Variants in CCDC12 observed in about 807,000 individuals in gnomAD.
CCDC12 encodes the protein coiled-coil domain-containing protein 12.
In CCDC12, 28 loss-of-function variants were observed where a neutral mutation model predicts 25.7. The ratio of observed to expected loss-of-function variants is 1.09; its 90% CI spans 0.81 to 1.50. CCDC12 has a LOEUF of 1.50. Among genes scored for constraint, CCDC12 ranks in the 40% most tolerant of loss-of-function variants. The pLI is 0.00. For missense variants in CCDC12, 198 were observed against 210.0 expected, an observed-to-expected ratio of 0.94 and a Z score of 0.35; for synonymous variants, 75 against 87.7, an observed-to-expected ratio of 0.86 and a Z score of 0.81.
chr3:46,927,239 C>T (rs74934306), intron 2 of CCDC12, among the ~76,000 whole-genome samples: 1,619 of 152,240 alleles, frequency 0.011, 70 homozygotes, highest in Admixed American at 0.076. Context: ...ACACCTGCCT[C>T]GGGCCTGGAG....
chr3:46,964,020 T>C (rs1311731937), intron 1 of CCDC12, among the ~76,000 whole-genome samples: 1 of 151,962 alleles, frequency 6.6e-6, no homozygotes, highest in Non-Finnish European at 1.5e-5. Flanking sequence ...GGAGCGTCTC[T>C]GCCCGGCCAC....
intron 2 of CCDC12, among the ~76,000 whole-genome samples, chr3:46,937,922 G>A (rs562919387): frequency 6.6e-6 from 1 of 152,262 alleles, no homozygotes; most frequent in Admixed American, 6.5e-5. Flanking sequence ...TACAAATACA[G>A]GCACAACTCC....
At chr3:46,949,099 G>A (rs2034017353) in intron 1 of CCDC12, among the ~76,000 whole-genome samples, 2 of 152,236 alleles carry the variant, frequency 1.3e-5, no homozygotes, top group South Asian at 4.1e-4. Flanking sequence ...GTGAATCTTA[G>A]TGGATGAGAA....
intron 1 of CCDC12, among the ~76,000 whole-genome samples, chr3:46,959,698 T>C (rs1357212142): frequency 2.0e-5 from 3 of 152,134 alleles, no homozygotes; most frequent in Admixed American, 6.5e-5. Context: ...CTAGCCAGTG[T>C]GGGGGGACAG....
intron 2 of CCDC12, among the ~76,000 whole-genome samples, chr3:46,937,205 A>G (rs2033481667): frequency 6.6e-6 from 1 of 152,102 alleles, no homozygotes; most frequent in Non-Finnish European, 1.5e-5. Context: ...ATGTCTGTTC[A>G]TGCCTCCCCA....
intron 3 of CCDC12, 94 bp downstream of exon 3, chr3:46,925,362 G>T: frequency 9.5e-7 from 1 of 1,047,622 alleles, no homozygotes; most frequent in Non-Finnish European, 1.5e-6. Context: ...TCCTGTCCTG[G>T]TACTGCTGGT....
rs79975449 is a variant in CCDC12, at chr3:46,928,913, G to A, written c.165-3378C>T. On this transcript the variant is annotated intron_variant, in intron 2 of 6. Coordinates refer to ENST00000683445, the MANE Select transcript of CCDC12 (RefSeq NM_001277074.2). Reference sequence around the variant, plus strand: ...AGGCTAAGGCAAGAGGATTGCTTGAGCCAGGCGTTCAAGGCTGCAGAGAGC... The same window carrying A: ...AGGCTAAGGCAAGAGGATTGCTTGAACCAGGCGTTCAAGGCTGCAGAGAGC... Among the ~76,000 whole-genome samples, 1,057 of 152,192 alleles carry A rather than the reference G, an allele frequency of 6.9e-3. 11 individuals are homozygous for A. Among genetic ancestry groups the A allele is most frequent in the African/African-American group, 0.024 (1,011 of 41,494 alleles).
At chr3:46,930,992 A>C (rs892001338) in intron 2 of CCDC12, among the ~76,000 whole-genome samples, 3 of 152,246 alleles carry the variant, frequency 2.0e-5, no homozygotes, top group African/African-American at 7.2e-5. Flanking sequence ...AGCTGGATAA[A>C]GGAATTCAGA....
chr3:46,948,758 G>A (rs1209154686), intron 1 of CCDC12, among the ~76,000 whole-genome samples: 2 of 152,198 alleles, frequency 1.3e-5, no homozygotes, highest in Non-Finnish European at 2.9e-5. Context: ...GCAGCTCCTC[G>A]CCAGGCCCGT....
chr3:46,940,987 A>C lies in CCDC12; in HGVS notation c.164+11T>G. 1 of 1,613,962 alleles carries C rather than the reference A, an allele frequency of 6.2e-7. No individual in the cohort carries two copies. ...GAGAGAGCAGACCCTGGAGCTGCACACGGGCATTACCTGTGCTTCTCGCCT... is the reference window on the plus strand; with the variant it reads ...GAGAGAGCAGACCCTGGAGCTGCACCCGGGCATTACCTGTGCTTCTCGCCT... On this transcript the variant is annotated intron_variant, in intron 2 of 6. Coordinates refer to ENST00000683445, the MANE Select transcript of CCDC12 (RefSeq NM_001277074.2).
intron 1 of CCDC12, among the ~76,000 whole-genome samples, chr3:46,956,692 G>A (rs1182613787): frequency 1.3e-5 from 2 of 152,082 alleles, no homozygotes; most frequent in African/African-American, 4.8e-5. Context: ...GTGGTAGTGT[G>A]CACCTGTAGT....
rs375945630 is a variant in CCDC12, at chr3:46,969,276, C to G, written c.96+7361G>C. On this transcript the variant is annotated intron_variant, in intron 1 of 6. Coordinates refer to ENST00000683445, the MANE Select transcript of CCDC12 (RefSeq NM_001277074.2). ...GAGAGTACTAGTGCATGCCTTCTACCTTGGCATTGCTCCCACTCTCTGCAC... is the reference window on the plus strand; with the variant it reads ...GAGAGTACTAGTGCATGCCTTCTACGTTGGCATTGCTCCCACTCTCTGCAC... Among the ~76,000 whole-genome samples, 5 of 152,306 alleles carry G rather than the reference C, an allele frequency of 3.3e-5. No individual in the cohort carries two copies. In the East Asian group the frequency reaches 9.6e-4, roughly 29 times the overall value.
Position 46,921,771 on chromosome 3 carries a change from T to C in CCDC12, c.*286A>G. 1 of 414,496 alleles carries C rather than the reference T, an allele frequency of 2.4e-6. No homozygotes were observed. The allele number at this position is 414,496 out of a possible 1,614,324, so 25.7% of individuals were successfully genotyped here. A position where few individuals can be genotyped will look rare whatever the true frequency, so the allele number is the denominator to read the frequency against. ...TTACTTGTTTCTATTTCCAGATTTT[T>C]TTTTAGAAAGTTCAAAATATATACA... On this transcript the variant is annotated 3_prime_UTR_variant, in exon 7 of 7. Transcript: ENST00000683445.
At chr3:46,970,444 G>A (rs2034771309) in intron 1 of CCDC12, among the ~76,000 whole-genome samples, 1 of 152,152 alleles carries the variant, frequency 6.6e-6, no homozygotes, top group African/African-American at 2.4e-5. Flanking sequence ...ACATTTCAAG[G>A]GCTTGAAAGT....
chr3:46,945,450 G>C (rs1024531408), intron 1 of CCDC12, among the ~76,000 whole-genome samples: 1 of 152,346 alleles, frequency 6.6e-6, no homozygotes, highest in Admixed American at 6.5e-5. Context: ...TCCTCCCAGA[G>C]CCTTCAGCAG....
chr3:46,959,932 C>G (rs1003046547), intron 1 of CCDC12, among the ~76,000 whole-genome samples: 2 of 152,182 alleles, frequency 1.3e-5, no homozygotes, highest in African/African-American at 4.8e-5. Context: ...CAGCCTGGGA[C>G]AAAGCCCAAA....
upstream of CCDC12, among the ~76,000 whole-genome samples, chr3:46,977,328 CTG>C (rs2035028329): frequency 6.6e-6 from 1 of 152,318 alleles, no homozygotes; most frequent in African/African-American, 2.4e-5. Context: ...CAAAAATTAA[CTG>C]GGCGTGGTGG....
chr3:46,947,490 T>C (rs1307732344), intron 1 of CCDC12, among the ~76,000 whole-genome samples: 1 of 152,084 alleles, frequency 6.6e-6, no homozygotes, highest in Non-Finnish European at 1.5e-5. Context: ...TGATAAGAAG[T>C]GAGCTGAACA....
At chr3:46,962,514 C>T (rs779006901) in intron 1 of CCDC12, among the ~76,000 whole-genome samples, 3 of 150,808 alleles carry the variant, frequency 2.0e-5, no homozygotes, top group Non-Finnish European at 4.4e-5. Context: ...ATAGTCACAT[C>T]ACATACACAG....
Sources: allele counts gnomAD v4.1 joint callset (sites outside exome capture counted in the v4.1 genomes callset), GRCh38; gene constraint gnomAD v4.1.1; transcripts MANE v1.5; gene names NCBI Gene and HGNC (gene_info 2026-07-23, HGNC 2026-07-21).